GRID2: variants seen among roughly 807,000 people sequenced by gnomAD.
GRID2 encodes the protein glutamate ionotropic receptor delta type subunit 2.
In GRID2, 33 loss-of-function variants were observed where a neutral mutation model predicts 114.8. That is an observed-to-expected ratio of 0.29 (90% CI 0.22 to 0.38). The LOEUF (loss-of-function observed/expected upper bound fraction) is 0.38. GRID2 is among the 10% of genes least tolerant of loss of function. The pLI is 1.00. For missense variants in GRID2, 1,184 were observed against 1,257.7 expected (o/e 0.94, Z 0.89); for synonymous variants, 505 against 449.9 (o/e 1.12, Z -1.55).
chr4:93,196,048 C>T (rs936938899), intron 4 of GRID2, among the ~76,000 whole-genome samples: 1 of 152,150 alleles, frequency 6.6e-6, no homozygotes, highest in Admixed American at 6.6e-5. Flanking sequence ...ACAGTTCGAA[C>T]ACCGTAAGGT....
At chr4:92,508,295 C>G (rs1724074997) in intron 1 of GRID2, among the ~76,000 whole-genome samples, 1 of 151,926 alleles carries the variant, frequency 6.6e-6, no homozygotes, top group Non-Finnish European at 1.5e-5. Flanking sequence ...ACCACTCATA[C>G]TACAACTGTG....
intron 8 of GRID2, among the ~76,000 whole-genome samples, chr4:93,296,115 G>A (rs1013739919): frequency 1.3e-5 from 2 of 152,166 alleles, no homozygotes; most frequent in Admixed American, 6.5e-5. Flanking sequence ...GTGTTGGCAG[G>A]CCATAGTCCG....
chr4:93,661,832 A>G (rs1723523968), intron 14 of GRID2, among the ~76,000 whole-genome samples: 1 of 152,182 alleles, frequency 6.6e-6, no homozygotes. Context: ...CAACAAAACA[A>G]CAAGAGTGGT....
At chr4:93,395,264 A>C (rs112396961) in intron 8 of GRID2, among the ~76,000 whole-genome samples, 1,870 of 152,102 alleles carry the variant, frequency 0.012, 43 homozygotes, top group African/African-American at 0.043. Context: ...TAATTGATAT[A>C]TTAAAAAAGA....
chr4:93,560,516 C>T (rs1734820101), intron 13 of GRID2, among the ~76,000 whole-genome samples: 1 of 152,108 alleles, frequency 6.6e-6, no homozygotes. Context: ...ATGGTGCTAG[C>T]TAAGCCATTC....
rs143603631 is a variant in GRID2, at chr4:93,032,033, A to G, written c.245-52962A>G. Among the ~76,000 whole-genome samples the G allele has an allele frequency of 7.1e-3, 1,080 of 152,266 alleles. 7 individuals are homozygous for G. Among genetic ancestry groups the G allele is most frequent in the Middle Eastern group, 0.017 (5 of 294 alleles). ...AATTTCAAGGGCACCAGCAACCTATAATTTAATAAAGAAGTAAGGAAAGCA... is the reference window on the plus strand; with the variant it reads ...AATTTCAAGGGCACCAGCAACCTATGATTTAATAAAGAAGTAAGGAAAGCA... On this transcript the variant is annotated intron_variant, in intron 2 of 15. Transcript: ENST00000282020.
chr4:92,848,064 C>T (rs369445852), intron 2 of GRID2, among the ~76,000 whole-genome samples: 10 of 151,968 alleles, frequency 6.6e-5, no homozygotes, highest in African/African-American at 1.9e-4. Context: ...AAGTAATTTA[C>T]ATCTATATTG....
At chr4:92,493,533 C>G (rs1446094124) in intron 1 of GRID2, among the ~76,000 whole-genome samples, 1 of 152,112 alleles carries the variant, frequency 6.6e-6, no homozygotes, top group Non-Finnish European at 1.5e-5. Flanking sequence ...GCTCTAAACT[C>G]AAGTGCAGCA....
At chr4:92,734,914 G>C (rs950186759) in intron 2 of GRID2, among the ~76,000 whole-genome samples, 4 of 151,544 alleles carry the variant, frequency 2.6e-5, no homozygotes, top group African/African-American at 9.7e-5. Flanking sequence ...AAGTAGCTGG[G>C]AGTACAGGCA....
rs1458721934 is a variant in GRID2, at chr4:93,479,005, AG to A, written c.1859-11632del. 7.9e-5 allele frequency among the ~76,000 whole-genome samples: 12 copies of A among 152,224 alleles called. No homozygotes were observed. The East Asian group carries it at 2.3e-3, about 30-fold the overall frequency. ...GATTATCAAGAGAGACAGACCCAAT[AG>A]GATACATAGAGGCGTGCATTGAGGA... is the stretch of plus-strand genomic sequence containing the variant. On this transcript the variant is annotated intron_variant, in intron 11 of 15. Coordinates refer to ENST00000282020, the MANE Select transcript of GRID2 (RefSeq NM_001510.4).
At chr4:93,427,741 G>T (rs1265497714) in intron 10 of GRID2, among the ~76,000 whole-genome samples, 1 of 151,908 alleles carries the variant, frequency 6.6e-6, no homozygotes, top group Non-Finnish European at 1.5e-5. Flanking sequence ...ATGTACATAT[G>T]GAGTCTATTT....
intron 14 of GRID2, among the ~76,000 whole-genome samples, chr4:93,673,779 C>A (rs1175116580): frequency 6.6e-6 from 1 of 152,154 alleles, no homozygotes; most frequent in Admixed American, 6.5e-5. Context: ...AACTCAAATG[C>A]CTTCAAGGAG....
chr4:92,852,626 T>G (rs1743904479), intron 2 of GRID2, among the ~76,000 whole-genome samples: 1 of 151,916 alleles, frequency 6.6e-6, no homozygotes, highest in Non-Finnish European at 1.5e-5. Flanking sequence ...ACAGTCCTTG[T>G]TATTAGTAAA....
At chr4:93,693,705 A>G (rs1224879524) in intron 14 of GRID2, among the ~76,000 whole-genome samples, 1 of 152,150 alleles carries the variant, frequency 6.6e-6, no homozygotes, top group Non-Finnish European at 1.5e-5. Flanking sequence ...GAAACAAACT[A>G]AGAGATTTAA....
chr4:92,499,282 C>A (rs1172286144), intron 1 of GRID2, among the ~76,000 whole-genome samples: 1 of 151,972 alleles, frequency 6.6e-6, no homozygotes, highest in Non-Finnish European at 1.5e-5. Flanking sequence ...GTATATCCTG[C>A]CCTACCAAAA....
intron 10 of GRID2, among the ~76,000 whole-genome samples, chr4:93,432,142 A>G (rs1463512993): frequency 6.6e-6 from 1 of 152,226 alleles, no homozygotes; most frequent in Non-Finnish European, 1.5e-5. Flanking sequence ...AAATCAGAAC[A>G]GATAAAAGAA....
chr4:93,004,460 C>T (rs1721303495), intron 2 of GRID2, among the ~76,000 whole-genome samples: 2 of 152,060 alleles, frequency 1.3e-5, no homozygotes, highest in Admixed American at 6.6e-5. Flanking sequence ...TCTTCATGTA[C>T]TTAAAGCCTT....
chr4:92,337,851 G>C (rs576231725), intron 1 of GRID2, among the ~76,000 whole-genome samples: 35 of 152,260 alleles, frequency 2.3e-4, no homozygotes, highest in South Asian at 1.7e-3. Context: ...TTCCAACGAG[G>C]TATCTGGAGT....
intron 2 of GRID2, among the ~76,000 whole-genome samples, chr4:92,625,993 T>A (rs1730502937): frequency 6.6e-6 from 1 of 152,008 alleles, no homozygotes; most frequent in African/African-American, 2.4e-5. Flanking sequence ...AGAGATCTGA[T>A]TTTTGGCATC....
Sources: allele counts gnomAD v4.1 joint callset (sites outside exome capture counted in the v4.1 genomes callset), GRCh38; gene constraint gnomAD v4.1.1; transcripts MANE v1.5; gene names NCBI Gene and HGNC (gene_info 2026-07-23, HGNC 2026-07-21).